OFD1: variants seen among roughly 807,000 people sequenced by gnomAD.
OFD1 encodes the protein centriole and centriolar satellite protein OFD1.
Under a neutral mutation model 81.4 loss-of-function variants are expected in OFD1, and 12 were observed. The ratio of observed to expected loss-of-function variants is 0.15; its 90% CI spans 0.09 to 0.24. The LOEUF is 0.24. OFD1 is among the 10% of genes least tolerant of loss of function. OFD1 has a pLI of 1.00. For missense variants in OFD1, 685 were observed against 733.9 expected, an observed-to-expected ratio of 0.93 and a Z score of 0.77; for synonymous variants, 256 against 263.7, an observed-to-expected ratio of 0.97 and a Z score of 0.28.
intron 1 of OFD1, 42 bp from the exon 2 acceptor site, chrX:13,735,206 C>T (rs962345781): frequency 1.7e-6 from 2 of 1,192,880 alleles, no homozygotes; most frequent in Non-Finnish European, 2.3e-6. Flanking sequence ...CGTTCACGTT[C>T]CCTCTGCCCC....
At chrX:13,738,951 G>T (rs746881590) in intron 4 of OFD1, 37 bp downstream of exon 4, 43 of 1,177,773 alleles carry the variant, frequency 3.7e-5, no homozygotes, top group Non-Finnish European at 4.8e-5. Context: ...ACTTTGGTTT[G>T]TTAATTATAA....
chrX:13,739,263 TTG>T (rs1207016212), intron 5 of OFD1: 1 of 336,729 alleles, frequency 3.0e-6, no homozygotes, highest in African/African-American at 2.7e-5. Flanking sequence ...AAGATACTGT[TTG>T]TAAAAATACC....
chrX:13,714,845 CA>C, the OFD1 span, among the ~76,000 whole-genome samples: 230 of 111,927 alleles, frequency 2.1e-3, no homozygotes, highest in Non-Finnish European at 3.1e-3. Flanking sequence ...CTACATAAAA[CA>C]AAAAAATCTG....
the OFD1 span, among the ~76,000 whole-genome samples, chrX:13,724,961 C>A: frequency 7.1e-5 from 8 of 113,460 alleles, no homozygotes; most frequent in African/African-American, 2.6e-4. Flanking sequence ...CCATGCCTGG[C>A]TCGGCAGGTC....
rs1311590290 is a variant in OFD1, at chrX:13,760,528, C to G, written c.2068C>G (p.His690Asp). The G allele has an allele frequency of 8.5e-7, 1 of 1,171,721 alleles. No individual in the cohort carries two copies. Among genetic ancestry groups the G allele is most frequent in the African/African-American group, 1.8e-5 (1 of 55,321 alleles). Reference protein sequence around the residue: ...KNITSSSPERHIFGEDRVVSE... With the variant: ...KNITSSSPERDIFGEDRVVSE... ...CATTACTTCCAGTTCCCCGGAAAGA[C>G]ATATTTTTGGAGAGGACAGAGTTGT... Residue 690 changes from histidine (H) to aspartate (D), a missense_variant, in exon 16 of 23, where the codon CAT becomes GAT. Coordinates refer to ENST00000340096, the MANE Select transcript of OFD1 (RefSeq NM_003611.3).
intron 6 of OFD1, among the ~76,000 whole-genome samples, chrX:13,745,614 G>A (rs751381549): frequency 8.9e-6 from 1 of 111,828 alleles, no homozygotes; most frequent in East Asian, 2.8e-4. Flanking sequence ...AAACACTATC[G>A]ATGTTTTAAT....
intron 10 of OFD1, chrX:13,752,567 A>G (rs2047545424): frequency 2.4e-6 from 1 of 413,930 alleles, no homozygotes; most frequent in Non-Finnish European, 3.6e-6. Context: ...CACATCTTCT[A>G]TGTCAGTTTC....
chrX:13,768,618 CTT>C lies in OFD1; in HGVS notation c.2929-97_2929-96del, dbSNP rs1055728249. 4 of 690,961 alleles carry C rather than the reference CTT, an allele frequency of 5.8e-6. No homozygotes were observed. The African/African-American group carries it at 8.7e-5, about 15-fold the overall frequency. 56.9% of individuals were successfully genotyped at this position (690,961 alleles called of 1,213,427 possible). A position where few individuals can be genotyped will look rare whatever the true frequency, so the allele number is the denominator to read the frequency against. ...GTTTAAAAGTCACCTCTTTTTTAGACTTTTAAATTACATATATATTTCAAAAA... is the reference window on the plus strand; with the variant it reads ...GTTTAAAAGTCACCTCTTTTTTAGACTTAAATTACATATATATTTCAAAAA... On this transcript the variant is annotated intron_variant, in intron 21 of 22. Coordinates refer to ENST00000340096, the MANE Select transcript of OFD1 (RefSeq NM_003611.3).
chrX:13,755,351 T>A, intron 12 of OFD1, 109 bp downstream of exon 12: 2 of 545,284 alleles, frequency 3.7e-6, no homozygotes, highest in Non-Finnish European at 6.3e-6. Context: ...GGACTGCCAT[T>A]TATATGGCTA....
intron 18 of OFD1, among the ~76,000 whole-genome samples, chrX:13,762,859 G>A (rs903523354): frequency 1.7e-4 from 19 of 111,310 alleles, no homozygotes; most frequent in African/African-American, 5.3e-4. Context: ...CTCCTCCCAG[G>A]TCCAAGTGAT....
chrX:13,727,605 T>C, the OFD1 span, among the ~76,000 whole-genome samples: 4 of 112,106 alleles, frequency 3.6e-5, no homozygotes, highest in Non-Finnish European at 7.5e-5. Context: ...AAGCAGTGTG[T>C]AGAGGGAAAT....
Position 13,736,758 on chromosome X carries a change from C to G in OFD1, c.312+80C>G, listed in dbSNP as rs878866256. ...CTGACAGTAAAGTGCTGTATGATAG[C>G]TAAGTGCTCCTCGACTAGGTCCATT... is the stretch of plus-strand genomic sequence containing the variant. On this transcript the variant is annotated intron_variant, in intron 3 of 22. Coordinates refer to ENST00000340096, the MANE Select transcript of OFD1 (RefSeq NM_003611.3). 8.5e-6 allele frequency: 6 copies of G among 709,082 alleles called. No individual in the cohort carries two copies. The South Asian group carries it at 1.1e-4, about 13-fold the overall frequency. 58.4% of individuals were successfully genotyped at this position (709,082 alleles called of 1,213,427 possible).
chrX:13,717,313 T>C, the OFD1 span, among the ~76,000 whole-genome samples: 1 of 112,009 alleles, frequency 8.9e-6, no homozygotes, highest in African/African-American at 3.2e-5. Flanking sequence ...CAGGACACAG[T>C]CCTGTCAGAG....
chrX:13,765,232 C>G (rs767987519), intron 19 of OFD1, among the ~76,000 whole-genome samples: 3 of 109,691 alleles, frequency 2.7e-5, no homozygotes, highest in Admixed American at 1.9e-4. Context: ...GGAGGTGCCC[C>G]GTGGACATGC....
intron 5 of OFD1, among the ~76,000 whole-genome samples, chrX:13,742,322 C>T (rs1256728965): frequency 1.8e-5 from 2 of 111,050 alleles, no homozygotes; most frequent in African/African-American, 6.6e-5. Context: ...ATTTATTATA[C>T]CTTACACAAA....
rs758996532 is a variant in OFD1, at chrX:13,736,544, C to A, written c.178C>A (p.Arg60=). The change falls in exon 3 of 23, where the codon CGG becomes AGG. Residue 60 remains arginine, a synonymous_variant. Transcript: ENST00000340096. ...TGTATTGAGTGGAGAACTGCAGCCT[C>A]GGTCCATTTCAGTAGAAGGGAGCTC... ...HPVLSGELQP[R]SISVEGSSLL... 1.7e-6 allele frequency: 2 copies of A among 1,210,423 alleles called. No individual in the cohort carries two copies. Among genetic ancestry groups the A allele is most frequent in the Non-Finnish European group, 2.2e-6 (2 of 894,306 alleles).
At chrX:13,766,139 G>A (rs1287381410) in intron 19 of OFD1, among the ~76,000 whole-genome samples, 1 of 112,160 alleles carries the variant, frequency 8.9e-6, no homozygotes, top group Non-Finnish European at 1.9e-5. Flanking sequence ...GGAAGAAAAG[G>A]GCAGGTTGTC....
In OFD1 at chrX:13,752,732, G is replaced by A. The variant is rs747752965; in HGVS notation, c.1056-636G>A. 3.1e-6 allele frequency: 3 copies of A among 971,938 alleles called. No homozygotes were observed. The South Asian group carries it at 5.9e-5, about 19-fold the overall frequency. The allele number at this position is 971,938 out of a possible 1,213,427, so 80.1% of individuals were successfully genotyped here. On this transcript the variant is annotated intron_variant, in intron 10 of 22. Transcript: ENST00000340096. ...CCACAGGCTGCATGGTGTCTGCCTG[G>A]CTTTGGGAATCCTCATATGACTTTG... is the stretch of plus-strand genomic sequence containing the variant.
the OFD1 span, chrX:13,716,028 A>G: frequency 5.9e-6 from 7 of 1,192,349 alleles, no homozygotes; most frequent in Non-Finnish European, 7.9e-6. Context: ...CATAAACATC[A>G]GTAAAGAAGT....
Sources: gnomAD v4.1 joint callset for allele counts (sites outside exome capture counted in the v4.1 genomes callset) on GRCh38, gnomAD v4.1.1 for gene constraint, MANE v1.5 for transcripts, NCBI Gene and HGNC (gene_info 2026-07-23, HGNC 2026-07-21) for gene names.